Variants in USP25 observed in about 807,000 individuals in gnomAD.
USP25 encodes ubiquitin specific peptidase 25.
Under a neutral mutation model 158.5 loss-of-function variants are expected in USP25, and 85 were observed. The ratio of observed to expected loss-of-function variants is 0.54; its 90% CI spans 0.45 to 0.64. The LOEUF is 0.64. Ranked by LOEUF, USP25 falls within the 30% of genes least tolerant of loss-of-function variation. The pLI is 0.00. For missense variants in USP25, 1,242 were observed against 1,327.3 expected, an observed-to-expected ratio of 0.94 and a Z score of 1.00; for synonymous variants, 464 against 460.4, an observed-to-expected ratio of 1.01 and a Z score of -0.10.
chr21:15,762,625 T>C (rs189540610), intron 1 of USP25, among the ~76,000 whole-genome samples: 11 of 152,330 alleles, frequency 7.2e-5, no homozygotes, highest in Admixed American at 3.3e-4. Context: ...CAGAAACTGC[T>C]AATTCAGTAA....
chr21:15,755,362 T>G (rs1311193460), intron 1 of USP25, among the ~76,000 whole-genome samples: 2 of 152,212 alleles, frequency 1.3e-5, no homozygotes, highest in Non-Finnish European at 2.9e-5. Flanking sequence ...AAACTGTTTT[T>G]CTCCTTTGTT....
At chr21:15,731,590 A>G (rs1348031226) in intron 1 of USP25, among the ~76,000 whole-genome samples, 2 of 152,230 alleles carry the variant, frequency 1.3e-5, no homozygotes, top group African/African-American at 4.8e-5. Context: ...GCTTTAAAGT[A>G]ATCGAAGATA....
chr21:15,776,270 T>C (rs2034650657), intron 3 of USP25, among the ~76,000 whole-genome samples: 1 of 152,236 alleles, frequency 6.6e-6, no homozygotes, highest in South Asian at 2.1e-4. Context: ...CACATTTTAC[T>C]TGCCTGTATT....
chr21:15,866,386 T>A, intron 22 of USP25, 42 bp downstream of exon 22: 1 of 1,430,108 alleles, frequency 7.0e-7, no homozygotes, highest in Non-Finnish European at 9.4e-7. Context: ...ATTTAGGGAT[T>A]CTGTAATTCA....
rs2038445128 is a variant in USP25 at position 15,843,623 on chromosome 21, G to A, written c.2337+1083G>A. On this transcript the variant is annotated intron_variant, in intron 18 of 25. Coordinates refer to ENST00000400183, the MANE Select transcript of USP25 (RefSeq NM_001283041.3). The surrounding 1 kb of genome is among the most constrained non-coding windows in gnomAD (Gnocchi z 4.0). Reference sequence around the variant, plus strand: ...TCCAAATTTTGCAAATGCCTTAGAAGCTTTAAATGAATTTGATGTGAACAT... The same window carrying A: ...TCCAAATTTTGCAAATGCCTTAGAAACTTTAAATGAATTTGATGTGAACAT... Among the ~76,000 whole-genome samples, 2 of 152,124 alleles carry A rather than the reference G, an allele frequency of 1.3e-5. No individual in the cohort carries two copies. The highest frequency in any genetic ancestry group is 2.9e-5 in the Non-Finnish European group (2 of 68,014).
intron 3 of USP25, among the ~76,000 whole-genome samples, chr21:15,776,302 C>T (rs952001125): frequency 7.2e-5 from 11 of 152,000 alleles, no homozygotes; most frequent in Non-Finnish European, 1.3e-4. Context: ...CTACTTAATA[C>T]ACTTTTGTGA....
Position 15,849,791 on chromosome 21 carries a change from GA to G in USP25, c.2468del (p.Asn823ThrfsTer9). On this transcript the variant is annotated frameshift_variant, in exon 20 of 26. Transcript: ENST00000400183. LOFTEE classifies it high-confidence loss of function. ...GYDDEIMMTP[N>X]MQGIIMAIGK... ...TTCTGTGGCAGATCATGATGACACC[GA>G]ACATGCAAGGTATTATCATGGCGAT... 1 of 1,536,446 alleles carries G rather than the reference GA, an allele frequency of 6.5e-7. No individual in the cohort carries two copies. Among genetic ancestry groups the G allele is most frequent in the South Asian group, 1.2e-5 (1 of 80,968 alleles).
intron 17 of USP25, among the ~76,000 whole-genome samples, chr21:15,835,075 A>T (rs1325150204): frequency 1.3e-5 from 2 of 152,188 alleles, no homozygotes; most frequent in African/African-American, 4.8e-5. Context: ...AGATGGAGCT[A>T]CTGTGTTATT....
At chr21:15,830,746 C>G in intron 15 of USP25, 145 bp downstream of exon 15, 1 of 575,550 alleles carries the variant, frequency 1.7e-6, no homozygotes, top group East Asian at 3.0e-5. Context: ...TAAGGGCTTG[C>G]AATATGTACA....
chr21:15,818,075 A>G (rs1229154389), intron 9 of USP25, among the ~76,000 whole-genome samples: 1 of 152,064 alleles, frequency 6.6e-6, no homozygotes. Context: ...AGTCTTCATC[A>G]TGCTGTTCCA....
chr21:15,785,265 AT>A (rs1292253595), intron 4 of USP25, among the ~76,000 whole-genome samples: 20 of 152,228 alleles, frequency 1.3e-4, no homozygotes, highest in Admixed American at 1.3e-3. Context: ...ATATTATTAG[AT>A]TTAAAGGGGG....
chr21:15,841,055 G>A (rs1261086070), intron 17 of USP25, among the ~76,000 whole-genome samples: 2 of 152,198 alleles, frequency 1.3e-5, no homozygotes, highest in African/African-American at 4.8e-5. Context: ...ATCAGGAAAT[G>A]ATTTAATGAG....
intron 1 of USP25, among the ~76,000 whole-genome samples, chr21:15,736,553 C>A (rs1458014059): frequency 6.6e-6 from 1 of 151,918 alleles, no homozygotes; most frequent in Non-Finnish European, 1.5e-5. Context: ...ATTGTATCAC[C>A]ACCCCCACCC....
At chr21:15,739,955 CT>C (rs1255559478) in intron 1 of USP25, among the ~76,000 whole-genome samples, 1 of 152,136 alleles carries the variant, frequency 6.6e-6, no homozygotes, top group Non-Finnish European at 1.5e-5. Context: ...CAGTTTTTCT[CT>C]TTTTTGCCCC....
intron 1 of USP25, among the ~76,000 whole-genome samples, chr21:15,742,561 T>C (rs893211792): frequency 3.9e-5 from 6 of 152,104 alleles, no homozygotes; most frequent in Non-Finnish European, 7.4e-5. Flanking sequence ...TGGGTCTGGG[T>C]GTCTGATCAA....
chr21:15,807,978 T>C (rs1488912075), intron 7 of USP25, among the ~76,000 whole-genome samples: 1 of 152,184 alleles, frequency 6.6e-6, no homozygotes, highest in Non-Finnish European at 1.5e-5. Flanking sequence ...TCAACATTTT[T>C]TTGAGGTTAA....
intron 4 of USP25, among the ~76,000 whole-genome samples, chr21:15,790,767 T>C (rs774954020): frequency 1.3e-5 from 2 of 151,874 alleles, no homozygotes; most frequent in Admixed American, 6.6e-5. Flanking sequence ...ATTATACTTA[T>C]GTTGTTGCAT....
intron 3 of USP25, among the ~76,000 whole-genome samples, chr21:15,771,980 T>A (rs1450717844): frequency 6.6e-6 from 1 of 152,110 alleles, no homozygotes; most frequent in Non-Finnish European, 1.5e-5. Flanking sequence ...CTTTTTTTCT[T>A]CTGAATTCAA....
intron 1 of USP25, among the ~76,000 whole-genome samples, chr21:15,739,510 G>A (rs1025759999): frequency 6.6e-6 from 1 of 152,102 alleles, no homozygotes; most frequent in African/African-American, 2.4e-5. Flanking sequence ...TGTCATCCTA[G>A]GAACTGTGAA....
Sources: allele counts gnomAD v4.1 joint callset (sites outside exome capture counted in the v4.1 genomes callset), GRCh38; gene constraint gnomAD v4.1.1; non-coding constraint Gnocchi (gnomAD v3.1); transcripts MANE v1.5; gene names NCBI Gene and HGNC (gene_info 2026-07-23, HGNC 2026-07-21).